CATSPER2: variants seen among roughly 807,000 people sequenced by gnomAD.
CATSPER2 encodes cation channel sperm-associated protein 2.
In CATSPER2, 56 loss-of-function variants were observed where a neutral mutation model predicts 68.8. The observed-to-expected ratio is 0.81, with a 90% CI of 0.66 to 1.02. The LOEUF (loss-of-function observed/expected upper bound fraction) is 1.02. Ranked by LOEUF, CATSPER2 falls within the 50% of genes least tolerant of loss-of-function variation. The pLI, the probability that CATSPER2 is intolerant of heterozygous loss-of-function variation, is 0.00. For missense variants in CATSPER2, 582 were observed against 642.0 expected (o/e 0.91, Z 1.01); for synonymous variants, 198 against 229.9 (o/e 0.86, Z 1.26).
chr15:43,636,083 G>A lies in CATSPER2; in HGVS notation c.979C>T (p.Leu327Phe). Residue 327 changes from leucine to phenylalanine, a missense_variant, in exon 8 of 13, where the codon CTT (leucine) becomes TTT (phenylalanine). Leu to Phe is a conservative substitution (Grantham distance 22). Transcript: ENST00000396879. ...SSIYFILWLL[L>F]GSIIFRSIIV... ...ATACTTCGAAAGATAATGGAGCCAAGCAACAACCAAAGGATGAAATAGATG... is the reference window on the plus strand; with the variant it reads ...ATACTTCGAAAGATAATGGAGCCAAACAACAACCAAAGGATGAAATAGATG... The A allele has an allele frequency of 6.3e-7, 1 of 1,594,240 alleles. No individual in the cohort carries two copies. The highest frequency in any genetic ancestry group is 8.6e-7 in the Non-Finnish European group (1 of 1,164,436).
chr15:43,632,351 C>T lies in CATSPER2; in HGVS notation c.1409G>A (p.Trp470Ter). 1 of 1,613,626 alleles carries T rather than the reference C, an allele frequency of 6.2e-7. No homozygotes were observed. The highest frequency in any genetic ancestry group is 1.6e-4 in the Middle Eastern group (1 of 6,062). ...CAGATTTTCGTGCACAAGAGTCTCCCAGTCCAAACGACCTGCAGGGAGGAA... is the reference window on the plus strand; with the variant it reads ...CAGATTTTCGTGCACAAGAGTCTCCTAGTCCAAACGACCTGCAGGGAGGAA... Reference protein sequence around the residue: ...RFSESIGRLDWETLVHENLPG... With the variant: ...RFSESIGRLD The change falls in exon 12 of 13, where the codon TGG becomes TAG. Residue 470 changes from tryptophan (W) to a stop codon, truncating the protein, a stop_gained. Transcript: ENST00000396879. LOFTEE classifies it high-confidence loss of function.
At position 43,646,952 on chromosome 15, in the gene CATSPER2, G is replaced by A. The variant is rs112929737; in HGVS notation, c.388+98C>T. 3.1e-3 allele frequency: 3,102 copies of A among 1,015,064 alleles called. 93 individuals carry two copies. The African/African-American group carries it at 0.043, about 14-fold the overall frequency. 62.9% of individuals were successfully genotyped at this position (1,015,064 alleles called of 1,614,324 possible). ...GGCTGGTCTCCAACTCCTGAGCTCC[G>A]GCAATCCACACGCCCCGGCCTCCCA... is the stretch of plus-strand genomic sequence containing the variant. On this transcript the variant is annotated intron_variant, in intron 4 of 12. Transcript: ENST00000396879.
chr15:43,639,247 A>AT lies in CATSPER2; in HGVS notation c.718-220dup, dbSNP rs1237323690. The stretch of plus-strand genomic sequence containing the variant: ...TTTGACCCACCCAGATTTCTTTCAT[A>AT]TATTTTTTTTTTTTTTAGACGGAGT... On this transcript the variant is annotated intron_variant, in intron 6 of 12. Coordinates refer to ENST00000396879, the MANE Select transcript of CATSPER2 (RefSeq NM_172095.4). 2.0e-5 allele frequency among the ~76,000 whole-genome samples: 3 copies of AT among 148,116 alleles called. No individual in the cohort carries two copies. In the East Asian group the frequency reaches 5.9e-4, roughly 29 times the overall value.
At chr15:43,644,826 G>A (rs1417929398) in intron 4 of CATSPER2, among the ~76,000 whole-genome samples, 1 of 151,894 alleles carries the variant, frequency 6.6e-6, no homozygotes, top group African/African-American at 2.4e-5. Context: ...AGGAAATCCT[G>A]TATAGTTACT....
At position 43,647,077 on chromosome 15, in the gene CATSPER2, T is replaced by A. The variant is rs745482778; in HGVS notation, c.361A>T (p.Asn121Tyr). The change falls in exon 4 of 13, where the codon AAT becomes TAT. Residue 121 changes from asparagine to tyrosine, a missense_variant. Coordinates refer to ENST00000396879, the MANE Select transcript of CATSPER2 (RefSeq NM_172095.4). ...KNFIIFLVFL[N>Y]TIILMVEIEL... Reference sequence around the variant, plus strand: ...ATTTCAACCATCAATATGATCGTATTCAAAAAGACCAGGAAGATGATGAAG... The same window carrying A: ...ATTTCAACCATCAATATGATCGTATACAAAAAGACCAGGAAGATGATGAAG... The A allele has an allele frequency of 6.2e-7, 1 of 1,613,092 alleles. No homozygotes were observed. Among genetic ancestry groups the A allele is most frequent in the Non-Finnish European group, 8.5e-7 (1 of 1,179,204 alleles).
In CATSPER2 at chr15:43,632,144, C is replaced by G. The variant is rs1224581094; in HGVS notation, c.1561+55G>C. ...TGGACACCCTCCTCCTTCTCCACAG[C>G]TATAAACGCTATATATATATTCCCA... On this transcript the variant is annotated intron_variant, in intron 12 of 12. Coordinates refer to ENST00000396879, the MANE Select transcript of CATSPER2 (RefSeq NM_172095.4). 8.1e-5 allele frequency: 128 copies of G among 1,574,862 alleles called. 2 individuals are homozygous for G. The highest frequency in any genetic ancestry group is 8.7e-6 in the Non-Finnish European group (10 of 1,145,384).
intron 4 of CATSPER2, among the ~76,000 whole-genome samples, 188 bp downstream of exon 4, chr15:43,646,862 G>A (rs959722824): frequency 1.5e-4 from 22 of 151,422 alleles, no homozygotes; most frequent in Admixed American, 1.2e-3. Context: ...CTACAAGCGC[G>A]TGCTACCAAG....
At chr15:43,635,487 T>C in intron 9 of CATSPER2, 71 bp from the exon 10 acceptor site, 2 of 1,529,328 alleles carry the variant, frequency 1.3e-6, no homozygotes, top group Admixed American at 1.7e-5. Context: ...AAAAAAAAGT[T>C]CATATCAGAA....
intron 12 of CATSPER2, among the ~76,000 whole-genome samples, chr15:43,631,863 G>A (rs1008345682): frequency 4.0e-5 from 6 of 151,866 alleles, no homozygotes; most frequent in Admixed American, 2.0e-4. Flanking sequence ...GAAACTGGTG[G>A]GCTGCCCAAA....
At position 43,638,925 on chromosome 15, in the gene CATSPER2, AG is replaced by A; in HGVS notation, c.820del (p.Leu274TrpfsTer15). ...SEYTRSPRQD[L>X]EYHVFFSDLP... ...TTACGAGAAGAACACATGGTACTCCAGGTCCTGACGAGGTGAACGGGTGTAC... is the reference window on the plus strand; with the variant it reads ...TTACGAGAAGAACACATGGTACTCCAGTCCTGACGAGGTGAACGGGTGTAC... On this transcript the variant is annotated frameshift_variant, in exon 7 of 13. Coordinates refer to ENST00000396879, the MANE Select transcript of CATSPER2 (RefSeq NM_172095.4). LOFTEE classifies it high-confidence loss of function. 6.2e-7 allele frequency: 1 copy of A among 1,613,084 alleles called. No individual in the cohort carries two copies. Among genetic ancestry groups the A allele is most frequent in the Non-Finnish European group, 8.5e-7 (1 of 1,179,414 alleles).
intron 4 of CATSPER2, among the ~76,000 whole-genome samples, chr15:43,641,813 C>T (rs1266066222): frequency 6.6e-6 from 1 of 151,916 alleles, no homozygotes; most frequent in African/African-American, 2.4e-5. Flanking sequence ...GGCTCAAGAG[C>T]CTCTGGGTAA....
At chr15:43,639,924 G>A (rs1317656118) in intron 5 of CATSPER2, 126 bp from the exon 6 acceptor site, 11 of 1,583,224 alleles carry the variant, frequency 6.9e-6, no homozygotes, top group East Asian at 6.8e-5. Context: ...TCTCTGAGAA[G>A]TGCTTACTAT....
intron 1 of CATSPER2, 143 bp from the exon 2 acceptor site, chr15:43,648,206 G>C (rs543310402): frequency 9.9e-7 from 1 of 1,007,320 alleles, no homozygotes; most frequent in Non-Finnish European, 1.6e-6. Context: ...GAGCAGTTGG[G>C]AAGAACAAAC....
intron 7 of CATSPER2, among the ~76,000 whole-genome samples, chr15:43,638,286 CTTTTTTTTTTTTTT>C: frequency 1.2e-5 from 1 of 81,836 alleles, no homozygotes; most frequent in Admixed American, 1.4e-4. Flanking sequence ...TTCTTTCTTT[CTTTTTTTTTTTTTT>C]TTTTTTTGAG....
Position 43,639,014 on chromosome 15 carries a change from G to A in CATSPER2, c.732C>T (p.Leu244=), listed in dbSNP as rs1178782887. 6.2e-7 allele frequency: 1 copy of A among 1,612,640 alleles called. No individual in the cohort carries two copies. The highest frequency in any genetic ancestry group is 8.5e-7 in the Non-Finnish European group (1 of 1,179,186). ...AGAAGAAGATGAGCAGCAACATCAA[G>A]AGGAAGGTCATGCTCTAGAGGCCAT... ...LVRALKSMTF[L]LMLLLIFFYI... is the part of the protein sequence containing the mutation. Residue 244 remains leucine, a synonymous_variant, in exon 7 of 13, where the codon CTC becomes CTT. Coordinates refer to ENST00000396879, the MANE Select transcript of CATSPER2 (RefSeq NM_172095.4).
chr15:43,630,436 C>T lies in CATSPER2; in HGVS notation c.*265G>A. 3.5e-6 allele frequency: 2 copies of T among 564,326 alleles called. No individual in the cohort carries two copies. The highest frequency in any genetic ancestry group is 3.2e-5 in the Admixed American group (1 of 31,414). 35.0% of individuals were successfully genotyped at this position (564,326 alleles called of 1,614,324 possible). On this transcript the variant is annotated 3_prime_UTR_variant, in exon 13 of 13. Transcript: ENST00000396879. ...GTGGTGCAATCTTGGCTCACTGCAA[C>T]CTCTGACTCCCAGGTTCAAGTGATT...
rs868785577 is a variant in CATSPER2, at chr15:43,637,742, T to A, written c.842+1162A>T. The A allele has an allele frequency of 1.6e-4, 24 of 152,016 alleles. 1 individual carries two copies. The highest frequency in any genetic ancestry group is 3.4e-3 in the Middle Eastern group (1 of 294). 9.4% of individuals were successfully genotyped at this position (152,016 alleles called of 1,614,324 possible). A position where few individuals can be genotyped will look rare whatever the true frequency, so the allele number is the denominator to read the frequency against. The stretch of plus-strand genomic sequence containing the variant: ...CATGTGCTGCCGAAGTGAGCACTGA[T>A]TAGTGTTTTCTAGACAGAGATCAGG... On this transcript the variant is annotated intron_variant, in intron 7 of 12. Transcript: ENST00000396879.
Position 43,647,303 on chromosome 15 carries a change from C to T in CATSPER2, c.310G>A (p.Val104Ile), listed in dbSNP as rs1212235464. The change falls in exon 3 of 13, where the codon GTC becomes ATC. Residue 104 changes from valine (V) to isoleucine (I), a missense_variant. Val to Ile is a conservative substitution (Grantham distance 29). This residue lies in a region of CATSPER2 where 197 missense variants were observed against 191.0 expected (regional missense o/e 1.03). Transcript: ENST00000396879. ...TGACATGAAAGGATACACTCAAGGA[C>T]CCATCCGGCCCACAAAGAAAGAGGT... ...RPPLSLWAGW[V>I]LECPLFKNFI... 6.2e-7 allele frequency: 1 copy of T among 1,609,242 alleles called. No individual in the cohort carries two copies. The highest frequency in any genetic ancestry group is 1.3e-5 in the African/African-American group (1 of 74,842).
chr15:43,641,498 T>G (rs1393979644), intron 4 of CATSPER2, among the ~76,000 whole-genome samples: 4 of 147,400 alleles, frequency 2.7e-5, no homozygotes. Flanking sequence ...AATGAATGGA[T>G]GTATGCCATA....
Sources: gnomAD v4.1 joint callset for allele counts (sites outside exome capture counted in the v4.1 genomes callset) on GRCh38, gnomAD v4.1.1 for gene constraint, gnomAD v4.1.1 regional missense constraint, MANE v1.5 for transcripts, NCBI Gene and HGNC (gene_info 2026-07-23, HGNC 2026-07-21) for gene names.